FHIT: variants seen among roughly 807,000 people sequenced by gnomAD.
FHIT encodes the protein fragile histidine triad diadenosine triphosphatase.
Under a neutral mutation model 17.9 loss-of-function variants are expected in FHIT, and 19 were observed. The ratio of observed to expected loss-of-function variants is 1.06; its 90% CI spans 0.74 to 1.56. The LOEUF (loss-of-function observed/expected upper bound fraction) is 1.56. FHIT is among the 40% of genes most tolerant of loss of function. FHIT has a pLI of 0.00. For missense variants in FHIT, 248 were observed against 189.2 expected (o/e 1.31, Z -1.82); for synonymous variants, 81 against 69.7 (o/e 1.16, Z -0.81).
chr3:59,834,335 T>C (rs1422893708), intron 8 of FHIT, among the ~76,000 whole-genome samples: 2 of 152,188 alleles, frequency 1.3e-5, no homozygotes, highest in Non-Finnish European at 2.9e-5. Flanking sequence ...TGGCAGAGTA[T>C]ATTTGTTAAA....
intron 4 of FHIT, among the ~76,000 whole-genome samples, chr3:60,633,163 G>A (rs565044321): frequency 4.0e-4 from 61 of 152,280 alleles, no homozygotes; most frequent in African/African-American, 1.4e-3. Context: ...AAAGAAATGT[G>A]CCCAAAATAT....
intron 2 of FHIT, among the ~76,000 whole-genome samples, chr3:61,179,771 A>C (rs2038280302): frequency 6.6e-6 from 1 of 151,808 alleles, no homozygotes; most frequent in African/African-American, 2.4e-5. Flanking sequence ...AACATGGTAA[A>C]ACCAATCGCA....
chr3:59,803,856 C>T (rs934388193), intron 8 of FHIT, among the ~76,000 whole-genome samples: 2 of 151,754 alleles, frequency 1.3e-5, no homozygotes, highest in Non-Finnish European at 1.5e-5. Context: ...TAAAGAGGCA[C>T]AAAAAACCCT....
At chr3:60,642,319 G>T (rs1263850909) in intron 4 of FHIT, among the ~76,000 whole-genome samples, 1 of 152,200 alleles carries the variant, frequency 6.6e-6, no homozygotes, top group Non-Finnish European at 1.5e-5. Flanking sequence ...GAATACATAA[G>T]ATCTTCAAAG....
intron 2 of FHIT, among the ~76,000 whole-genome samples, chr3:61,051,858 A>T (rs960197453): frequency 6.6e-6 from 1 of 152,210 alleles, no homozygotes. Flanking sequence ...CAAAAGTTAC[A>T]CTGCATCTAA....
chr3:60,148,242 T>C (rs965372142), intron 5 of FHIT, among the ~76,000 whole-genome samples: 1 of 152,170 alleles, frequency 6.6e-6, no homozygotes, highest in Non-Finnish European at 1.5e-5. Flanking sequence ...CAATAAACCC[T>C]AGAGTCCCAT....
At chr3:60,025,392 T>C (rs1281368404) in intron 5 of FHIT, among the ~76,000 whole-genome samples, 2 of 152,172 alleles carry the variant, frequency 1.3e-5, no homozygotes, top group Non-Finnish European at 2.9e-5. Context: ...GAAGAATTCT[T>C]TGAAGATTAG....
At chr3:60,072,287 G>T (rs907752896) in intron 5 of FHIT, among the ~76,000 whole-genome samples, 3 of 152,106 alleles carry the variant, frequency 2.0e-5, no homozygotes, top group African/African-American at 4.8e-5. Flanking sequence ...ATTTAGAATG[G>T]CTAGGAAAGA....
chr3:60,943,719 T>C (rs1708513058), intron 3 of FHIT, among the ~76,000 whole-genome samples: 3 of 152,202 alleles, frequency 2.0e-5, no homozygotes, highest in African/African-American at 7.2e-5. Context: ...ATAGCAAGCA[T>C]TGCTGTATCT....
intron 3 of FHIT, among the ~76,000 whole-genome samples, chr3:60,899,036 C>G (rs1705970616): frequency 6.6e-6 from 1 of 151,958 alleles, no homozygotes; most frequent in Non-Finnish European, 1.5e-5. Flanking sequence ...ATTTTTTTTC[C>G]AGAACCATCT....
intron 4 of FHIT, among the ~76,000 whole-genome samples, chr3:60,711,034 C>G (rs1280960417): frequency 7.9e-5 from 12 of 152,174 alleles, no homozygotes; most frequent in African/African-American, 2.9e-4. Flanking sequence ...CCAGTAGGGG[C>G]AGACTGACAC....
At chr3:60,011,529 A>G in intron 6 of FHIT, 129 bp from the exon 7 acceptor site, 1 of 800,022 alleles carries the variant, frequency 1.2e-6, no homozygotes, top group Non-Finnish European at 2.1e-6. Flanking sequence ...TCTCATGGGG[A>G]CCATTGGCTT....
chr3:61,213,737 A>G (rs1560082664), intron 1 of FHIT, among the ~76,000 whole-genome samples: 1 of 152,230 alleles, frequency 6.6e-6, no homozygotes, highest in African/African-American at 2.4e-5. Flanking sequence ...CTATTCCAAA[A>G]TTGACCACAT....
intron 5 of FHIT, among the ~76,000 whole-genome samples, chr3:60,103,631 G>A (rs1250760600): frequency 6.6e-6 from 1 of 152,106 alleles, no homozygotes; most frequent in East Asian, 1.9e-4. Flanking sequence ...CACTGATAAG[G>A]AATATTCTCT....
chr3:61,112,181 C>A (rs2036178157), intron 2 of FHIT, among the ~76,000 whole-genome samples: 1 of 152,110 alleles, frequency 6.6e-6, no homozygotes, highest in South Asian at 2.1e-4. Context: ...AAGCTTATCA[C>A]TGAAGGTATG....
intron 5 of FHIT, among the ~76,000 whole-genome samples, chr3:60,415,341 A>G (rs1412004615): frequency 6.6e-6 from 1 of 152,172 alleles, no homozygotes. Context: ...TGTACCAAAT[A>G]ATTTATAGAG....
At chr3:59,938,123 T>G (rs1279770985) in intron 7 of FHIT, among the ~76,000 whole-genome samples, 2 of 152,122 alleles carry the variant, frequency 1.3e-5, no homozygotes, top group African/African-American at 2.4e-5. Flanking sequence ...CAGCATTATC[T>G]ATAGTAGTGA....
At chr3:59,776,772 A>G (rs780367) in intron 8 of FHIT, among the ~76,000 whole-genome samples, 117,702 of 152,166 alleles carry the variant, frequency 0.77, 46,419 homozygotes, top group East Asian at 0.99. Context: ...CACATTGCAT[A>G]TATTATTTCA....
intron 7 of FHIT, among the ~76,000 whole-genome samples, chr3:59,992,255 G>A (rs986501581): frequency 3.3e-5 from 5 of 151,968 alleles, no homozygotes; most frequent in African/African-American, 9.7e-5. Flanking sequence ...CTGCCATCAA[G>A]CTCCCGCAGG....
Sources: gnomAD v4.1 joint callset for allele counts (sites outside exome capture counted in the v4.1 genomes callset) on GRCh38, gnomAD v4.1.1 for gene constraint, MANE v1.5 for transcripts, NCBI Gene and HGNC (gene_info 2026-07-23, HGNC 2026-07-21) for gene names.